PRKCQ: variants seen among roughly 807,000 people sequenced by gnomAD.
PRKCQ encodes protein kinase C theta type.
Under a neutral mutation model 91.2 loss-of-function variants are expected in PRKCQ, and 41 were observed. That is an observed-to-expected ratio of 0.45 (90% CI 0.35 to 0.58). PRKCQ has a LOEUF of 0.58. Among genes scored for constraint, PRKCQ ranks in the 20% least tolerant of loss-of-function variants. The pLI, the probability that PRKCQ is intolerant of heterozygous loss-of-function variation, is 0.00. For synonymous variants in PRKCQ, 307 were observed against 316.9 expected (o/e 0.97, Z 0.33); for missense variants, 673 against 896.5 (o/e 0.75, Z 3.18).
intron 1 of PRKCQ, among the ~76,000 whole-genome samples, chr10:6,567,334 C>G (rs1337124603): frequency 6.6e-6 from 1 of 152,254 alleles, no homozygotes; most frequent in Non-Finnish European, 1.5e-5. Flanking sequence ...TGAACAAAGA[C>G]AGGGATATGC....
At chr10:6,494,124 T>C (rs1377836330) in intron 7 of PRKCQ, among the ~76,000 whole-genome samples, 2 of 152,132 alleles carry the variant, frequency 1.3e-5, no homozygotes. Flanking sequence ...TCAAACTCCA[T>C]GGGGGACACA....
At chr10:6,448,261 G>T (rs1201148273) in intron 15 of PRKCQ, among the ~76,000 whole-genome samples, 1 of 152,174 alleles carries the variant, frequency 6.6e-6, no homozygotes, top group Non-Finnish European at 1.5e-5. Flanking sequence ...GGATGTAGAG[G>T]TGCTGTGGTT....
chr10:6,503,876 A>C (rs1838046612), intron 4 of PRKCQ, among the ~76,000 whole-genome samples: 1 of 152,172 alleles, frequency 6.6e-6, no homozygotes, highest in Admixed American at 6.5e-5. Flanking sequence ...TCATGGGCTC[A>C]AGTGATCCTC....
intron 1 of PRKCQ, among the ~76,000 whole-genome samples, chr10:6,546,691 A>G (rs538952843): frequency 6.6e-6 from 1 of 152,224 alleles, no homozygotes; most frequent in African/African-American, 2.4e-5. Flanking sequence ...GGACAATTTG[A>G]CTTCCTCTTT....
chr10:6,404,322 A>G, the PRKCQ span, among the ~76,000 whole-genome samples: 8 of 147,684 alleles, frequency 5.4e-5, no homozygotes, highest in East Asian at 1.4e-3. Context: ...AATACTTGCA[A>G]TGTTCAGATA....
At chr10:6,488,754 C>A (rs752290191) in intron 8 of PRKCQ, among the ~76,000 whole-genome samples, 2 of 152,112 alleles carry the variant, frequency 1.3e-5, no homozygotes, top group Non-Finnish European at 2.9e-5. Context: ...GAAGCAAAAT[C>A]TTTTCTGCAT....
At chr10:6,401,231 C>T in the PRKCQ span, among the ~76,000 whole-genome samples, 1 of 152,190 alleles carries the variant, frequency 6.6e-6, no homozygotes, top group Non-Finnish European at 1.5e-5. Flanking sequence ...GCACGGAAAA[C>T]ATTGCAACCT....
At chr10:6,451,665 G>A (rs1385032060) in intron 15 of PRKCQ, among the ~76,000 whole-genome samples, 1 of 152,142 alleles carries the variant, frequency 6.6e-6, no homozygotes, top group Non-Finnish European at 1.5e-5. Flanking sequence ...GAACATTGAT[G>A]CAAAAATCCT....
intron 12 of PRKCQ, 87 bp downstream of exon 12, chr10:6,478,905 C>T (rs1489930564): frequency 4.9e-6 from 7 of 1,442,202 alleles, no homozygotes; most frequent in Non-Finnish European, 6.6e-6. Context: ...GAGGCAATGA[C>T]TCGTGTCTCC....
At chr10:6,437,703 G>A (rs188278537) in intron 16 of PRKCQ, among the ~76,000 whole-genome samples, 69 of 152,148 alleles carry the variant, frequency 4.5e-4, no homozygotes, top group African/African-American at 1.5e-3. Flanking sequence ...CCAGGCTGGA[G>A]TGCAGTGGTG....
chr10:6,440,230 C>T (rs1268880670), intron 16 of PRKCQ, among the ~76,000 whole-genome samples: 2 of 152,166 alleles, frequency 1.3e-5, no homozygotes, highest in African/African-American at 4.8e-5. Context: ...TAGGTATGTC[C>T]TTACAGCAGC....
At chr10:6,401,630 T>C in the PRKCQ span, among the ~76,000 whole-genome samples, 1 of 152,024 alleles carries the variant, frequency 6.6e-6, no homozygotes, top group African/African-American at 2.4e-5. Context: ...CGCCAGCCAC[T>C]TGGTGAGGAT....
At chr10:6,454,300 A>AG (rs1834888956) in intron 15 of PRKCQ, among the ~76,000 whole-genome samples, 1 of 152,152 alleles carries the variant, frequency 6.6e-6, no homozygotes, top group Non-Finnish European at 1.5e-5. Flanking sequence ...AAGGGAGGAA[A>AG]GCAGATGGAA....
At chr10:6,492,287 T>C (rs1386267370) in intron 7 of PRKCQ, among the ~76,000 whole-genome samples, 1 of 151,548 alleles carries the variant, frequency 6.6e-6, no homozygotes, top group African/African-American at 2.4e-5. Flanking sequence ...TTTCTATGGG[T>C]TTATCAGTAT....
At chr10:6,457,335 G>C (rs1835064367) in intron 14 of PRKCQ, among the ~76,000 whole-genome samples, 1 of 152,100 alleles carries the variant, frequency 6.6e-6, no homozygotes, top group Admixed American at 6.5e-5. Flanking sequence ...TCCATTCTTA[G>C]GGAAATGTAA....
chr10:6,454,467 T>G (rs866336038), intron 15 of PRKCQ, among the ~76,000 whole-genome samples: 5 of 151,842 alleles, frequency 3.3e-5, no homozygotes, highest in African/African-American at 1.2e-4. Context: ...CAGTCACAAG[T>G]TTAGGGCAGT....
At chr10:6,396,069 C>T in the PRKCQ span, among the ~76,000 whole-genome samples, 1 of 152,048 alleles carries the variant, frequency 6.6e-6, no homozygotes, top group Non-Finnish European at 1.5e-5. Flanking sequence ...TAGCAAATGG[C>T]GATCGATAAT....
chr10:6,463,166 C>T (rs115879241), intron 13 of PRKCQ, among the ~76,000 whole-genome samples: 93 of 152,230 alleles, frequency 6.1e-4, no homozygotes, highest in African/African-American at 2.2e-3. Context: ...ACTTACAGCC[C>T]ATGAGGTGGA....
At chr10:6,505,013 C>A (rs929869585) in intron 4 of PRKCQ, among the ~76,000 whole-genome samples, 1 of 151,848 alleles carries the variant, frequency 6.6e-6, no homozygotes, top group African/African-American at 2.4e-5. Context: ...CCTGCCTCAG[C>A]CTCCCGAGTA....
Sources: gnomAD v4.1 joint callset for allele counts (sites outside exome capture counted in the v4.1 genomes callset) on GRCh38, gnomAD v4.1.1 for gene constraint, MANE v1.5 for transcripts, NCBI Gene and HGNC (gene_info 2026-07-23, HGNC 2026-07-21) for gene names.